The following NRG1 variants were observed in gnomAD, a reference collection of about 807,000 sequenced individuals.
NRG1 encodes the protein pro-neuregulin-1, membrane-bound isoform.
A neutral mutation model predicts 63.8 loss-of-function variants in NRG1; 18 were observed. That is an observed-to-expected ratio of 0.28 (90% confidence interval 0.19 to 0.42). The LOEUF (loss-of-function observed/expected upper bound fraction) is 0.42, where lower values mean the gene tolerates loss of function less well. NRG1 is among the 10% of genes least tolerant of loss of function. The probability of loss-of-function intolerance (pLI) is 1.00; values close to 1 mark genes in which losing one functional copy is unlikely to be tolerated. For synonymous variants in NRG1, 302 were observed against 301.3 expected (o/e 1.00, Z -0.02); for missense variants, 762 against 814.7 (o/e 0.94, Z 0.79).
At chr8:31,894,544 T>TAC (rs1831406005) in intron 1 of NRG1, among the ~76,000 whole-genome samples, 1 of 111,566 alleles carries the variant, frequency 9.0e-6, no homozygotes, top group African/African-American at 3.5e-5. Flanking sequence ...TGCTATTTCT[T>TAC]TCTTTTTTCT....
intron 1 of NRG1, among the ~76,000 whole-genome samples, chr8:32,331,226 C>T (rs905497960): frequency 2.6e-5 from 4 of 151,952 alleles, no homozygotes; most frequent in Non-Finnish European, 4.4e-5. Flanking sequence ...CTGGACACAG[C>T]GGCTCACGCC....
intron 1 of NRG1, chr8:32,441,446 T>G (rs1182302214): frequency 2.0e-5 from 3 of 152,090 alleles, no homozygotes; most frequent in Non-Finnish European, 2.9e-5. Flanking sequence ...GGTAAGACCC[T>G]GTCTCCAAAA....
intron 1 of NRG1, among the ~76,000 whole-genome samples, chr8:31,692,198 C>T (rs553645851): frequency 1.3e-5 from 2 of 152,172 alleles, no homozygotes; most frequent in African/African-American, 4.8e-5. Flanking sequence ...TAGAAATTAC[C>T]CCATGAACAT....
chr8:32,396,648 A>G (rs977549553), intron 1 of NRG1, among the ~76,000 whole-genome samples: 37 of 152,044 alleles, frequency 2.4e-4, no homozygotes, highest in African/African-American at 7.2e-4. Context: ...GGGTTTCACT[A>G]TGTTGGTTAG....
chr8:31,714,379 A>G (rs1812141365), intron 1 of NRG1, among the ~76,000 whole-genome samples: 1 of 152,078 alleles, frequency 6.6e-6, no homozygotes, highest in African/African-American at 2.4e-5. Flanking sequence ...TGAAGTGTGG[A>G]TTTTTAGGCT....
intron 1 of NRG1, among the ~76,000 whole-genome samples, chr8:32,486,048 C>T (rs1313619902): frequency 2.0e-5 from 3 of 152,074 alleles, no homozygotes; most frequent in South Asian, 4.1e-4. Flanking sequence ...CTGCCTCAGC[C>T]TCCCAAGTAG....
intron 1 of NRG1, among the ~76,000 whole-genome samples, chr8:32,576,812 T>A (rs1025910373): frequency 1.3e-5 from 2 of 151,766 alleles, no homozygotes; most frequent in African/African-American, 2.4e-5. Flanking sequence ...TATATTATTT[T>A]AAAAAATAAT....
intron 1 of NRG1, among the ~76,000 whole-genome samples, chr8:32,456,321 C>T (rs1821593543): frequency 1.3e-5 from 2 of 152,144 alleles, no homozygotes; most frequent in South Asian, 2.1e-4. Context: ...CCTGTTTGCT[C>T]GTGTTCTCTT....
At chr8:32,207,727 G>A (rs1313682368) in intron 1 of NRG1, among the ~76,000 whole-genome samples, 2 of 152,174 alleles carry the variant, frequency 1.3e-5, no homozygotes, top group Non-Finnish European at 2.9e-5. Flanking sequence ...AAGAAAGCCA[G>A]AGTTAAAAAT....
At chr8:32,212,670 CAAG>C (rs1014639703) in intron 1 of NRG1, among the ~76,000 whole-genome samples, 2 of 152,062 alleles carry the variant, frequency 1.3e-5, no homozygotes, top group South Asian at 2.1e-4. Flanking sequence ...CTTGAGTCAT[CAAG>C]AAGAACACAG....
chr8:32,207,221 G>T (rs145890996), intron 1 of NRG1, among the ~76,000 whole-genome samples: 5 of 151,728 alleles, frequency 3.3e-5, no homozygotes, highest in Admixed American at 3.3e-4. Context: ...TTTAAATGTC[G>T]CTTTCCAACA....
intron 3 of NRG1, among the ~76,000 whole-genome samples, chr8:32,613,517 A>T (rs888080158): frequency 6.6e-6 from 1 of 151,984 alleles, no homozygotes; most frequent in Admixed American, 6.6e-5. Context: ...AAAGTTTTCT[A>T]CTCCATTATT....
chr8:32,222,916 A>G (rs1057307858), intron 1 of NRG1, among the ~76,000 whole-genome samples: 6 of 152,230 alleles, frequency 3.9e-5, no homozygotes, highest in African/African-American at 1.2e-4. Flanking sequence ...AGCACTAAGC[A>G]AATAAGCAAT....
At chr8:31,744,217 TG>T (rs1357916417) in intron 1 of NRG1, among the ~76,000 whole-genome samples, 1 of 151,936 alleles carries the variant, frequency 6.6e-6, no homozygotes, top group African/African-American at 2.4e-5. Context: ...TTTGTCTACT[TG>T]TCCTGACCCT....
At chr8:31,717,860 C>A (rs1415208681) in intron 1 of NRG1, among the ~76,000 whole-genome samples, 1 of 151,998 alleles carries the variant, frequency 6.6e-6, no homozygotes, top group Non-Finnish European at 1.5e-5. Flanking sequence ...TAGGAATATT[C>A]CAAGTTTTTG....
In NRG1 at chr8:32,207,050, G is replaced by A. The variant is rs978874507; in HGVS notation, c.38-388778G>A. ...ATTACCTATTCCAATGACCTCTTCA[G>A]TACTGTAAATATTACTGTGTTCCTT... On this transcript the variant is annotated intron_variant, in intron 1 of 10. Coordinates refer to the NRG1 transcript ENST00000519301. Among the ~76,000 whole-genome samples, 13 of 152,238 alleles carry A rather than the reference G, an allele frequency of 8.5e-5. No homozygotes were observed. The East Asian group carries it at 2.5e-3, about 29-fold the overall frequency.
intron 7 of NRG1, among the ~76,000 whole-genome samples, chr8:32,743,596 A>ATATATAT (rs58229077): frequency 6.9e-6 from 1 of 143,900 alleles, no homozygotes; most frequent in Admixed American, 7.0e-5. Flanking sequence ...ATATATATAT[A>ATATATAT]AAACTTAATA....
chr8:32,280,699 T>TTG (rs1554496210), intron 1 of NRG1, among the ~76,000 whole-genome samples: 5 of 132,458 alleles, frequency 3.8e-5, no homozygotes, highest in African/African-American at 1.1e-4. Context: ...TTGTTTTTTT[T>TTG]TTTTTTTTTT....
At chr8:31,695,876 G>A (rs1206872421) in intron 1 of NRG1, among the ~76,000 whole-genome samples, 1 of 151,918 alleles carries the variant, frequency 6.6e-6, no homozygotes, top group Non-Finnish European at 1.5e-5. Flanking sequence ...AGAAATATAA[G>A]AAGCTTAGAA....
Sources: gnomAD v4.1 joint callset for allele counts (sites outside exome capture counted in the v4.1 genomes callset) on GRCh38, gnomAD v4.1.1 for gene constraint, MANE v1.5 for transcripts, NCBI Gene and HGNC (gene_info 2026-07-23, HGNC 2026-07-21) for gene names.